The following LRRC4C variants were observed in gnomAD, a reference collection of about 807,000 sequenced individuals.
LRRC4C encodes the protein leucine rich repeat containing 4C, also known as leucine-rich repeat-containing protein 4C.
A neutral mutation model predicts 33.6 loss-of-function variants in LRRC4C; 5 were observed. The ratio of observed to expected loss-of-function variants is 0.15; its 90% confidence interval spans 0.08 to 0.31. LRRC4C has a LOEUF of 0.31. Among genes scored for constraint, LRRC4C ranks in the 10% least tolerant of loss-of-function variants. LRRC4C has a pLI of 1.00. For missense variants in LRRC4C, 560 were observed against 796.7 expected, an observed-to-expected ratio of 0.70 and a Z score of 3.58; for synonymous variants, 329 against 302.0, an observed-to-expected ratio of 1.09 and a Z score of -0.93.
chr11:40,643,690 C>T (rs779311312), intron 3 of LRRC4C, among the ~76,000 whole-genome samples: 3 of 152,146 alleles, frequency 2.0e-5, no homozygotes, highest in Non-Finnish European at 4.4e-5. Context: ...ATTCCTATTC[C>T]TCCCAGCCAG....
chr11:40,801,718 T>C (rs1951050772), intron 2 of LRRC4C, among the ~76,000 whole-genome samples: 1 of 152,214 alleles, frequency 6.6e-6, no homozygotes, highest in Non-Finnish European at 1.5e-5. Flanking sequence ...TATGCAATTG[T>C]CATTTTTTAG....
At chr11:40,655,783 A>G (rs1943073274) in intron 2 of LRRC4C, among the ~76,000 whole-genome samples, 1 of 152,218 alleles carries the variant, frequency 6.6e-6, no homozygotes, top group African/African-American at 2.4e-5. Context: ...ACTGCTATAA[A>G]GACTTATCTG....
At position 40,509,686 on chromosome 11, in the gene LRRC4C, T is replaced by TA. The variant is rs762279334; in HGVS notation, c.-270+138455dup. Among the ~76,000 whole-genome samples the TA allele has an allele frequency of 3.6e-3, 542 of 152,202 alleles. 2 individuals are homozygous for TA. Among genetic ancestry groups the TA allele is most frequent in the Non-Finnish European group, 6.0e-3 (406 of 68,002 alleles). On this transcript the variant is annotated intron_variant, in intron 3 of 6. Transcript: ENST00000528697. The stretch of plus-strand genomic sequence containing the variant: ...TGTTAATTTTGCGTAGCATTTTTTA[T>TA]AAAAAAGGGAGATATTTTTGATTAA...
chr11:40,165,400 C>A (rs1026401436), intron 5 of LRRC4C, among the ~76,000 whole-genome samples: 1 of 151,906 alleles, frequency 6.6e-6, no homozygotes, highest in Non-Finnish European at 1.5e-5. Context: ...TATGTTTATG[C>A]GTCTGTTTGT....
At chr11:41,044,870 G>T (rs1261878653) in intron 1 of LRRC4C, among the ~76,000 whole-genome samples, 1 of 152,066 alleles carries the variant, frequency 6.6e-6, no homozygotes, top group Non-Finnish European at 1.5e-5. Flanking sequence ...CCTCACTGTA[G>T]TTCAATCAGA....
At chr11:41,350,402 C>T (rs1372355885) in intron 1 of LRRC4C, among the ~76,000 whole-genome samples, 7 of 149,202 alleles carry the variant, frequency 4.7e-5, no homozygotes, top group Non-Finnish European at 1.0e-4. Context: ...CCCAGCTACT[C>T]GGGAGGCTGA....
intron 1 of LRRC4C, among the ~76,000 whole-genome samples, chr11:41,032,588 G>A (rs959278126): frequency 1.3e-5 from 2 of 151,846 alleles, no homozygotes; most frequent in Non-Finnish European, 2.9e-5. Context: ...GTTCATCAAT[G>A]GGTCTGACTG....
At chr11:40,848,299 C>T (rs2135718400) in intron 2 of LRRC4C, among the ~76,000 whole-genome samples, 1 of 152,060 alleles carries the variant, frequency 6.6e-6, no homozygotes, top group East Asian at 1.9e-4. Context: ...CTATAAATTT[C>T]CTTCTAAACA....
At chr11:41,396,056 C>T (rs1308560912) in intron 1 of LRRC4C, among the ~76,000 whole-genome samples, 2 of 151,864 alleles carry the variant, frequency 1.3e-5, no homozygotes, top group East Asian at 1.9e-4. Flanking sequence ...CTATTTTTTT[C>T]GGCTCAACGG....
intron 1 of LRRC4C, among the ~76,000 whole-genome samples, chr11:41,132,528 A>C (rs1222705105): frequency 6.6e-6 from 1 of 152,120 alleles, no homozygotes; most frequent in African/African-American, 2.4e-5. Flanking sequence ...AATTCTGATA[A>C]TGACAAGTGA....
At chr11:40,946,122 G>C (rs1032466021) in intron 1 of LRRC4C, among the ~76,000 whole-genome samples, 5 of 151,944 alleles carry the variant, frequency 3.3e-5, no homozygotes, top group Admixed American at 3.3e-4. Context: ...AGTGTCTATT[G>C]TCAGTGTCTT....
At chr11:41,192,333 T>A (rs953014615) in intron 1 of LRRC4C, among the ~76,000 whole-genome samples, 1 of 151,770 alleles carries the variant, frequency 6.6e-6, no homozygotes, top group African/African-American at 2.4e-5. Context: ...TGTGTGTGTG[T>A]GTGTGTGTGT....
chr11:41,098,998 G>A (rs1282904671), intron 1 of LRRC4C, among the ~76,000 whole-genome samples: 2 of 152,002 alleles, frequency 1.3e-5, no homozygotes, highest in Admixed American at 6.6e-5. Context: ...TGATAAAGGG[G>A]ACTTTACTAC....
At chr11:40,581,018 T>C (rs1279872454) in intron 3 of LRRC4C, among the ~76,000 whole-genome samples, 1 of 152,258 alleles carries the variant, frequency 6.6e-6, no homozygotes, top group East Asian at 1.9e-4. Context: ...CAAGCAATAT[T>C]GGTATTTTTC....
chr11:40,439,929 C>A (rs1167104723), intron 3 of LRRC4C, among the ~76,000 whole-genome samples: 3 of 152,224 alleles, frequency 2.0e-5, no homozygotes, highest in African/African-American at 7.2e-5. Context: ...AGGCCACATA[C>A]CACCTGTCAC....
At chr11:40,453,756 A>C (rs893904033) in intron 3 of LRRC4C, among the ~76,000 whole-genome samples, 5 of 152,164 alleles carry the variant, frequency 3.3e-5, no homozygotes. Context: ...GAATCAGAAA[A>C]TCTATACAGA....
At chr11:40,912,655 C>G (rs566756649) in intron 2 of LRRC4C, among the ~76,000 whole-genome samples, 1 of 152,178 alleles carries the variant, frequency 6.6e-6, no homozygotes, top group Admixed American at 6.5e-5. Context: ...GCAAAATAAC[C>G]AGCTAACATC....
At chr11:40,605,088 A>C (rs11035957) in intron 3 of LRRC4C, among the ~76,000 whole-genome samples, 65,982 of 151,902 alleles carry the variant, frequency 0.43, 15,357 homozygotes, top group Middle Eastern at 0.57. Flanking sequence ...ATATGAAAAT[A>C]GCTGGAACTG....
intron 3 of LRRC4C, among the ~76,000 whole-genome samples, chr11:40,471,570 C>A (rs1448366905): frequency 2.0e-5 from 3 of 151,484 alleles, no homozygotes; most frequent in Non-Finnish European, 4.4e-5. Context: ...CTAAATACCC[C>A]AATTAAAAGA....
Sources: gnomAD v4.1 joint callset for allele counts (sites outside exome capture counted in the v4.1 genomes callset) on GRCh38, gnomAD v4.1.1 for gene constraint, MANE v1.5 for transcripts, NCBI Gene and HGNC (gene_info 2026-07-23, HGNC 2026-07-21) for gene names.